The following ATRIP variants were observed in gnomAD, a reference collection of about 807,000 sequenced individuals.
The protein encoded by ATRIP is ATR-interacting protein.
ATRIP carries 44 observed loss-of-function variants against 78.1 expected under a neutral mutation model. The observed-to-expected ratio is 0.56, with a 90% CI of 0.44 to 0.72. The LOEUF is 0.72. Ranked by LOEUF, ATRIP falls within the 30% of genes least tolerant of loss-of-function variation. The pLI, the probability that ATRIP is intolerant of heterozygous loss-of-function variation, is 0.00. For synonymous variants in ATRIP, 388 were observed against 408.9 expected (o/e 0.95, Z 0.62); for missense variants, 927 against 980.2 (o/e 0.95, Z 0.72).
rs3135937 is a variant in ATRIP at position 48,464,823 on chromosome 3, T to C, written c.2056-8T>C. ...ACCAGGCCTCAGTCTGCACCCCCCC[T>C]CTCTCAGGTGGTCAGAGCGCTCACG... On this transcript the variant is annotated splice_region_variant and splice_polypyrimidine_tract_variant and intron_variant, in intron 11 of 12. Coordinates refer to ENST00000320211, the MANE Select transcript of ATRIP (RefSeq NM_130384.3). 7.5e-3 allele frequency: 11,997 copies of C among 1,603,748 alleles called. 552 individuals carry two copies. In the African/African-American group the frequency reaches 0.12, roughly 16 times the overall value.
Position 48,466,728 on chromosome 3 carries a change from C to A in ATRIP, c.*1174C>A, listed in dbSNP as rs748145509. ...TTTCGACATGGAGGCCACTGGCTTG[C>A]CCTTCTCCCAGCCCAAGGTCACGGA... On this transcript the variant is annotated 3_prime_UTR_variant, in exon 13 of 13. Transcript: ENST00000320211. 5 of 1,613,932 alleles carry A rather than the reference C, an allele frequency of 3.1e-6. No individual in the cohort carries two copies. In the African/African-American group the frequency reaches 6.7e-5, roughly 22 times the overall value.
chr3:48,459,955 G>A, intron 7 of ATRIP, 39 bp downstream of exon 7: 1 of 1,584,254 alleles, frequency 6.3e-7, no homozygotes, highest in Non-Finnish European at 8.5e-7. Flanking sequence ...TTGGGAAGGA[G>A]CTTCCTGGAA....
In ATRIP at chr3:48,451,757, T is replaced by C; in HGVS notation, c.410T>C (p.Ile137Thr). 1 of 1,602,236 alleles carries C rather than the reference T, an allele frequency of 6.2e-7. No individual in the cohort carries two copies. Among genetic ancestry groups the C allele is most frequent in the Middle Eastern group, 1.7e-4 (1 of 6,032 alleles). ...AAAGTAATGGAAGAAGAAGTTCTCATTAAGAATGGAGAAATTAAAATTTTG... is the reference window on the plus strand; with the variant it reads ...AAAGTAATGGAAGAAGAAGTTCTCACTAAGAATGGAGAAATTAAAATTTTG... ...KMKVMEEEVL[I>T]KNGEIKILRD... Residue 137 changes from isoleucine (I) to threonine (T), a missense_variant, in exon 3 of 13, where the codon ATT (isoleucine) becomes ACT (threonine). Ile to Thr is a moderately conservative substitution (Grantham distance 89). Transcript: ENST00000320211.
In ATRIP at chr3:48,450,103, CTG is replaced by C; in HGVS notation, c.316_317del (p.Val106SerfsTer3). ...AATCCTTCAGGGAAAAACAGAGAAA[CTG>C]TTCCAATTAAAGATAATTTCGAATT... On this transcript the variant is annotated frameshift_variant, in exon 2 of 13. Transcript: ENST00000320211. LOFTEE classifies it high-confidence loss of function. 1 of 1,613,298 alleles carries C rather than the reference CTG, an allele frequency of 6.2e-7. No homozygotes were observed. The highest frequency in any genetic ancestry group is 1.3e-5 in the African/African-American group (1 of 75,034).
chr3:48,460,083 T>C (rs772207358), intron 7 of ATRIP, 27 bp from the exon 8 acceptor site: 21 of 1,589,306 alleles, frequency 1.3e-5, no homozygotes, highest in Non-Finnish European at 1.8e-5. Context: ...CCACACTTAA[T>C]CTATTTTTCT....
chr3:48,457,409 C>A lies in ATRIP; in HGVS notation c.822C>A (p.Gly274=). The A allele has an allele frequency of 6.3e-7, 1 of 1,577,086 alleles. No individual in the cohort carries two copies. Among genetic ancestry groups the A allele is most frequent in the Non-Finnish European group, 8.6e-7 (1 of 1,165,004 alleles). ...AGTCAGGATACAAGCCTCTGGTGGG[C>A]AGAGAGGGTAAGTCCATTAGTCATC... ...QTESGYKPLV[G]REDSKPHSLR... is the part of the protein sequence containing the mutation. Residue 274 remains glycine, a synonymous_variant, in exon 5 of 13, where the codon GGC becomes GGA. Transcript: ENST00000320211.
At position 48,466,669 on chromosome 3, in the gene ATRIP, C is replaced by T; in HGVS notation, c.*1115C>T. The T allele has an allele frequency of 6.2e-7, 1 of 1,614,010 alleles. No individual in the cohort carries two copies. On this transcript the variant is annotated 3_prime_UTR_variant, in exon 13 of 13. Coordinates refer to ENST00000320211, the MANE Select transcript of ATRIP (RefSeq NM_130384.3). ...ACGTACCCAACCATGGGCTCGCAGG[C>T]CCTGCCCCCGGGGCCCATGCAGACC...
intron 4 of ATRIP, among the ~76,000 whole-genome samples, chr3:48,454,679 A>G (rs2039912128): frequency 6.6e-6 from 1 of 152,168 alleles, no homozygotes; most frequent in African/African-American, 2.4e-5. Flanking sequence ...AAGACCTGGA[A>G]AAATGATCTC....
Position 48,466,276 on chromosome 3 carries a change from C to T in ATRIP, c.*722C>T, listed in dbSNP as rs2279076. On this transcript the variant is annotated 3_prime_UTR_variant, in exon 13 of 13. Coordinates refer to ENST00000320211, the MANE Select transcript of ATRIP (RefSeq NM_130384.3). ...CGAGAGCCGCGGGAGAGTGTGCAGC[C>T]GAGTCACTACTGCCTGCCTGCCTGC... The T allele has an allele frequency of 4.9e-3, 3,177 of 648,980 alleles. 66 individuals are homozygous for T. The highest frequency in any genetic ancestry group is 0.046 in the East Asian group (1,671 of 36,512). The allele number at this position is 648,980 out of a possible 1,614,324, so 40.2% of individuals were successfully genotyped here.
intron 3 of ATRIP, among the ~76,000 whole-genome samples, chr3:48,453,336 T>C (rs1057448004): frequency 6.6e-6 from 1 of 152,352 alleles, no homozygotes; most frequent in Middle Eastern, 3.4e-3. Context: ...TAGCAAACTT[T>C]AAGCACTTAC....
rs1381241580 is a variant in ATRIP, at chr3:48,466,900, G to C, written c.*1346G>C. 6.2e-7 allele frequency: 1 copy of C among 1,612,016 alleles called. No homozygotes were observed. Among genetic ancestry groups the C allele is most frequent in the Non-Finnish European group, 8.5e-7 (1 of 1,180,016 alleles). Reference sequence around the variant, plus strand: ...GGGAAGGCCTGCAGCCCTGCAGCCAGCGAGATCACAGGTCTGAGCACAGCT... The same window carrying C: ...GGGAAGGCCTGCAGCCCTGCAGCCACCGAGATCACAGGTCTGAGCACAGCT... On this transcript the variant is annotated 3_prime_UTR_variant, in exon 13 of 13. Transcript: ENST00000320211.
rs1000190732 is a variant in ATRIP at position 48,447,040 on chromosome 3, C to T, written c.195C>T (p.Thr65=). 5.7e-6 allele frequency: 9 copies of T among 1,578,314 alleles called. No homozygotes were observed. Among genetic ancestry groups the T allele is most frequent in the East Asian group, 5.0e-5 (2 of 39,794 alleles). Residue 65 remains threonine (T), a synonymous_variant, in exon 1 of 13, where the codon ACC becomes ACT. Coordinates refer to ENST00000320211, the MANE Select transcript of ATRIP (RefSeq NM_130384.3). ...FTADDLEELD[T]LASQALSQCP... is the part of the protein sequence containing the mutation. ...CCGACGACCTGGAGGAGCTTGACAC[C>T]CTCGCGTCACAGGCCCTGAGCCAAT...
intron 4 of ATRIP, among the ~76,000 whole-genome samples, chr3:48,454,869 T>TC: frequency 9.2e-6 from 1 of 108,644 alleles, no homozygotes; most frequent in Admixed American, 1.2e-4. Context: ...GTTTTTTTTT[T>TC]CTTTTTTTTT....
intron 3 of ATRIP, among the ~76,000 whole-genome samples, chr3:48,452,745 C>T (rs2039864243): frequency 6.6e-6 from 1 of 152,100 alleles, no homozygotes; most frequent in Non-Finnish European, 1.5e-5. Context: ...CTGAGAAAGG[C>T]TCTGATTGGT....
chr3:48,447,092 A>G lies in ATRIP; in HGVS notation c.247A>G (p.Ser83Gly), dbSNP rs996417186. ...TCCGGCCGCGGCTCGGGACGTGTCC[A>G]GTGAGTGCTCCTCGCGGCCTTTTGC... ...QCPAAARDVSSDHKVHRLLDG... is the reference protein window; with the variant it reads ...QCPAAARDVSGDHKVHRLLDG... Residue 83 changes from serine to glycine, a missense_variant and splice_region_variant, in exon 1 of 13, where the codon AGT (serine) becomes GGT (glycine). Ser to Gly is a moderately conservative substitution (Grantham distance 56, BLOSUM62 0). Transcript: ENST00000320211. The G allele has an allele frequency of 3.9e-6, 6 of 1,531,026 alleles. No homozygotes were observed. Among genetic ancestry groups the G allele is most frequent in the Admixed American group, 2.1e-5 (1 of 47,392 alleles). 94.8% of individuals were successfully genotyped at this position (1,531,026 alleles called of 1,614,324 possible). A position where few individuals can be genotyped will look rare whatever the true frequency, so the allele number is the denominator to read the frequency against.
At chr3:48,464,253 TAAAG>T (rs2040204329) in intron 10 of ATRIP, 121 bp downstream of exon 10, 5 of 902,504 alleles carry the variant, frequency 5.5e-6, no homozygotes, top group Non-Finnish European at 6.9e-6. Context: ...CAAGAGTTGA[TAAAG>T]CAACTAAAGA....
At chr3:48,451,697 A>G (rs750808938) in intron 2 of ATRIP, 32 bp from the exon 3 acceptor site, 53 of 1,556,200 alleles carry the variant, frequency 3.4e-5, no homozygotes, top group African/African-American at 5.5e-5. Flanking sequence ...TTCTCTTACA[A>G]AGTTTTCACG....
rs1297709851 is a variant in ATRIP at position 48,449,413 on chromosome 3, C to CAAAA, written c.248-606_248-603dup. Among the ~76,000 whole-genome samples, 224 of 59,924 alleles carry CAAAA rather than the reference C, an allele frequency of 3.7e-3. 5 individuals are homozygous for CAAAA. Among genetic ancestry groups the CAAAA allele is most frequent in the African/African-American group, 0.013 (153 of 12,084 alleles). The allele number at this position is 59,924 out of a possible 152,430, so 39.3% of individuals were successfully genotyped here. A position where few individuals can be genotyped will look rare whatever the true frequency, so the allele number is the denominator to read the frequency against. ...TGGGCAACAGAGCGAGACTCTGTCT[C>CAAAA]AAAAAAAAAAAAAAAAAAAAAGAAG... On this transcript the variant is annotated intron_variant, in intron 1 of 12. Transcript: ENST00000320211.
intron 5 of ATRIP, among the ~76,000 whole-genome samples, chr3:48,458,271 T>C (rs781275915): frequency 1.3e-5 from 2 of 151,452 alleles, no homozygotes; most frequent in Non-Finnish European, 2.9e-5. Flanking sequence ...ACAGCATCAA[T>C]TGACCATGCC....
Sources: allele counts gnomAD v4.1 joint callset (sites outside exome capture counted in the v4.1 genomes callset), GRCh38; gene constraint gnomAD v4.1.1; transcripts MANE v1.5; gene names NCBI Gene and HGNC (gene_info 2026-07-23, HGNC 2026-07-21).